Variants in ARMC9 observed in about 807,000 individuals in gnomAD.
The protein encoded by ARMC9 is armadillo repeat containing 9, also known as lisH domain-containing protein ARMC9.
A neutral mutation model predicts 107.0 loss-of-function variants in ARMC9; 94 were observed. That is an observed-to-expected ratio of 0.88 (90% confidence interval 0.74 to 1.04). The LOEUF (loss-of-function observed/expected upper bound fraction) is 1.04, where lower values mean the gene tolerates loss of function less well. Among genes scored for constraint, ARMC9 ranks in the 50% least tolerant of loss-of-function variants. The pLI, the probability that ARMC9 is intolerant of heterozygous loss-of-function variation, is 0.00. For synonymous variants in ARMC9, 380 were observed against 396.9 expected (o/e 0.96, Z 0.51); for missense variants, 942 against 1,030.1 (o/e 0.91, Z 1.17).
intron 5 of ARMC9, among the ~76,000 whole-genome samples, chr2:231,220,378 C>T (rs2125329983): frequency 6.6e-6 from 1 of 152,148 alleles, no homozygotes; most frequent in South Asian, 2.1e-4. Flanking sequence ...GGGCGGATCA[C>T]CTGAGGTCAG....
intron 19 of ARMC9, among the ~76,000 whole-genome samples, chr2:231,296,872 C>G (rs1349444259): frequency 6.6e-6 from 1 of 152,170 alleles, no homozygotes; most frequent in Non-Finnish European, 1.5e-5. Flanking sequence ...GGTTTTCCTT[C>G]AGATACCTAG....
At position 231,359,467 on chromosome 2, in the gene ARMC9, T is replaced by C. The variant is rs952026959; in HGVS notation, c.2132-1287T>C. 2.0e-4 allele frequency among the ~76,000 whole-genome samples: 30 copies of C among 151,914 alleles called. 1 individual carries two copies. The highest frequency in any genetic ancestry group is 4.4e-4 in the Non-Finnish European group (30 of 67,966). On this transcript the variant is annotated intron_variant, in intron 22 of 24. Coordinates refer to ENST00000611582, the MANE Select transcript of ARMC9 (RefSeq NM_001352754.2). ...GAAGTAGGAGAGGAGAAGGGGACAG[T>C]TGAACCAAGACCACCTCATGGTCTT...
In ARMC9 at chr2:231,311,809, G is replaced by T. The variant is rs192486102; in HGVS notation, c.1773+15556G>T. On this transcript the variant is annotated intron_variant, in intron 19 of 24. Transcript: ENST00000611582. ...AAAAAAAAAAAAATATTGTGCAGGG[G>T]TTCTGATGGTTCCTTTCCGCAGAGA... Among the ~76,000 whole-genome samples the T allele has an allele frequency of 2.7e-3, 404 of 148,688 alleles. 2 individuals are homozygous for T. The highest frequency in any genetic ancestry group is 9.1e-3 in the African/African-American group (364 of 40,210).
rs2044734964 is a variant in ARMC9, at chr2:231,345,021, T to G, written c.1925T>G (p.Val642Gly). 2 of 1,614,068 alleles carry G rather than the reference T, an allele frequency of 1.2e-6. No individual in the cohort carries two copies. The highest frequency in any genetic ancestry group is 4.5e-5 in the East Asian group (2 of 44,880). The change falls in exon 21 of 25, where the codon GTG (valine) becomes GGG (glycine). Residue 642 changes from valine (V) to glycine (G), a missense_variant. Coordinates refer to ENST00000611582, the MANE Select transcript of ARMC9 (RefSeq NM_001352754.2). ...ACAAGGCGGAAGGGGCTGGCTAATG[T>G]GCAGTGGAGCGGGGATGAGCCCCTG... ...GKTRRKGLANVQWSGDEPLQR... is the reference protein window; with the variant it reads ...GKTRRKGLANGQWSGDEPLQR...
chr2:231,267,418 A>G (rs925127319), intron 12 of ARMC9, among the ~76,000 whole-genome samples: 1 of 151,918 alleles, frequency 6.6e-6, no homozygotes, highest in Non-Finnish European at 1.5e-5. Context: ...TTTATTGGAG[A>G]TGGGGTTTCG....
At chr2:231,272,727 G>A (rs2039446582) in intron 13 of ARMC9, among the ~76,000 whole-genome samples, 1 of 151,902 alleles carries the variant, frequency 6.6e-6, no homozygotes, top group Non-Finnish European at 1.5e-5. Context: ...TGTTGGCCAG[G>A]CTGGTCTCAA....
intron 21 of ARMC9, among the ~76,000 whole-genome samples, chr2:231,346,056 G>A (rs977280017): frequency 4.6e-5 from 7 of 152,156 alleles, no homozygotes; most frequent in African/African-American, 1.2e-4. Context: ...TTCAGGGCCC[G>A]TGCCATAGAT....
At chr2:231,282,631 CAG>C (rs1261810825) in intron 17 of ARMC9, among the ~76,000 whole-genome samples, 1 of 152,178 alleles carries the variant, frequency 6.6e-6, no homozygotes, top group Non-Finnish European at 1.5e-5. Context: ...ACCAGATTAA[CAG>C]TGTATTAAAT....
At chr2:231,322,868 T>C (rs2043074583) in intron 19 of ARMC9, among the ~76,000 whole-genome samples, 1 of 152,236 alleles carries the variant, frequency 6.6e-6, no homozygotes, top group Non-Finnish European at 1.5e-5. Flanking sequence ...TTCTTGAGTA[T>C]TTCTTTATCC....
intron 19 of ARMC9, among the ~76,000 whole-genome samples, chr2:231,302,433 G>GTTTTTTTTTTTTTTTTTTTTTTTTTTT (rs1322418026): frequency 6.2e-5 from 6 of 96,390 alleles, no homozygotes; most frequent in Admixed American, 2.3e-4. Context: ...AGCATTGTGG[G>GTTTTTTTTTTTTTTTTTTTTTTTTTTT]TTTGTTTTTT....
At chr2:231,210,206 C>T (rs866776860) in intron 3 of ARMC9, among the ~76,000 whole-genome samples, 3 of 152,220 alleles carry the variant, frequency 2.0e-5, no homozygotes, top group African/African-American at 4.8e-5. Flanking sequence ...CTGCCTGCTC[C>T]GCTTCAGGCC....
intron 17 of ARMC9, 126 bp downstream of exon 17, chr2:231,282,259 G>A: frequency 1.1e-6 from 1 of 931,484 alleles, no homozygotes; most frequent in African/African-American, 1.7e-5. Flanking sequence ...CCTTGAAATT[G>A]TATGTAAAAT....
At chr2:231,352,314 T>A (rs967762950) in intron 21 of ARMC9, among the ~76,000 whole-genome samples, 2 of 150,870 alleles carry the variant, frequency 1.3e-5, no homozygotes, top group African/African-American at 4.9e-5. Flanking sequence ...TTTTTTTTTT[T>A]AACAGTCTTG....
intron 17 of ARMC9, among the ~76,000 whole-genome samples, chr2:231,289,655 GTC>G (rs772193320): frequency 4.6e-5 from 7 of 152,230 alleles, no homozygotes; most frequent in Middle Eastern, 3.4e-3. Flanking sequence ...GTTGGTAACT[GTC>G]TCTCTGGTAC....
intron 9 of ARMC9, among the ~76,000 whole-genome samples, chr2:231,246,161 C>T (rs908745075): frequency 1.4e-4 from 22 of 152,298 alleles, no homozygotes; most frequent in African/African-American, 5.3e-4. Flanking sequence ...TCTTCAACAA[C>T]TCCAGATAAG....
intron 11 of ARMC9, among the ~76,000 whole-genome samples, chr2:231,260,046 C>G (rs1023038227): frequency 6.6e-6 from 1 of 152,176 alleles, no homozygotes; most frequent in Admixed American, 6.5e-5. Flanking sequence ...TTTATTAATT[C>G]ATTTAAAATG....
chr2:231,302,433 G>GTTTTTT lies in ARMC9; in HGVS notation c.1773+6183_1773+6184insTTTTTT, dbSNP rs1322418026. 3.3e-4 allele frequency among the ~76,000 whole-genome samples: 32 copies of GTTTTTT among 96,374 alleles called. 1 individual carries two copies. The highest frequency in any genetic ancestry group is 4.6e-4 in the Non-Finnish European group (22 of 47,818). 63.2% of individuals were successfully genotyped at this position (96,374 alleles called of 152,430 possible). On this transcript the variant is annotated intron_variant, in intron 19 of 24. Transcript: ENST00000611582. ...TTTATGAAAAAGTGTAGCATTGTGGGTTTGTTTTTTTTTTTTTTTTTTTTT... is the reference window on the plus strand; with the variant it reads ...TTTATGAAAAAGTGTAGCATTGTGGGTTTTTTTTTGTTTTTTTTTTTTTTTTTTTTT...
intron 23 of ARMC9, among the ~76,000 whole-genome samples, chr2:231,363,270 G>A (rs1251480357): frequency 1.3e-5 from 2 of 152,134 alleles, no homozygotes; most frequent in African/African-American, 4.8e-5. Flanking sequence ...GCTTTGGTGG[G>A]GAACGTTTGT....
intron 1 of ARMC9, among the ~76,000 whole-genome samples, chr2:231,205,831 T>G (rs1042494051): frequency 5.3e-5 from 8 of 152,206 alleles, no homozygotes; most frequent in Admixed American, 4.6e-4. Context: ...TAGAGGCTCC[T>G]TACCCTCCTT....
Sources: gnomAD v4.1 joint callset for allele counts (sites outside exome capture counted in the v4.1 genomes callset) on GRCh38, gnomAD v4.1.1 for gene constraint, MANE v1.5 for transcripts, NCBI Gene and HGNC (gene_info 2026-07-23, HGNC 2026-07-21) for gene names.